CTNNA3: variants seen among roughly 807,000 people sequenced by gnomAD.
CTNNA3 encodes the protein catenin alpha-3.
In CTNNA3, 76 loss-of-function variants were observed where a neutral mutation model predicts 95.7. The observed-to-expected ratio is 0.79, with a 90% CI of 0.66 to 0.96. The LOEUF is 0.96. Ranked by LOEUF, CTNNA3 falls within the 40% of genes least tolerant of loss-of-function variation. CTNNA3 has a pLI of 0.00. For missense variants in CTNNA3, 1,191 were observed against 1,089.8 expected (o/e 1.09, Z -1.31); for synonymous variants, 431 against 374.4 (o/e 1.15, Z -1.74).
chr10:66,886,789 G>A (rs775360306), intron 7 of CTNNA3, among the ~76,000 whole-genome samples: 14 of 152,042 alleles, frequency 9.2e-5, no homozygotes, highest in South Asian at 2.1e-4. Context: ...TTGTTATTAC[G>A]TCAGAACATG....
intron 13 of CTNNA3, among the ~76,000 whole-genome samples, chr10:66,114,903 T>A (rs964995445): frequency 5.3e-5 from 8 of 151,628 alleles, no homozygotes; most frequent in East Asian, 1.9e-4. Context: ...AAAGAAAAAG[T>A]AAAAGAAAAT....
At chr10:67,517,372 A>G (rs1449397217) in intron 5 of CTNNA3, among the ~76,000 whole-genome samples, 1 of 152,158 alleles carries the variant, frequency 6.6e-6, no homozygotes, top group Admixed American at 6.6e-5. Context: ...ATTTTTATCA[A>G]ATAAATTTTA....
chr10:67,297,636 C>T (rs1840100983), intron 5 of CTNNA3, among the ~76,000 whole-genome samples: 1 of 152,202 alleles, frequency 6.6e-6, no homozygotes, highest in Non-Finnish European at 1.5e-5. Context: ...ATAGTAGAAT[C>T]AAGTACCATG....
rs1866354454 is a variant in CTNNA3 at position 67,256,456 on chromosome 10, G to T, written c.580-36586C>A. Among the ~76,000 whole-genome samples the T allele has an allele frequency of 2.6e-5, 4 of 152,192 alleles. No individual in the cohort carries two copies. The South Asian group carries it at 8.3e-4, about 32-fold the overall frequency. On this transcript the variant is annotated intron_variant, in intron 5 of 17. Transcript: ENST00000433211. ...TTTTCATTATTAAAAGAACAATATA[G>T]ACTATAAAAACCACATCGCTTCAGC...
chr10:66,375,796 C>G (rs986739798), intron 12 of CTNNA3, among the ~76,000 whole-genome samples: 2 of 152,044 alleles, frequency 1.3e-5, no homozygotes, highest in Non-Finnish European at 2.9e-5. Context: ...AATTTATTGG[C>G]TCAAAATTTC....
chr10:66,090,565 CAGTT>C (rs1467211808), intron 14 of CTNNA3, among the ~76,000 whole-genome samples: 2 of 151,936 alleles, frequency 1.3e-5, no homozygotes, highest in East Asian at 3.9e-4. Flanking sequence ...TCAATGACAG[CAGTT>C]AGTAAGTGGC....
intron 5 of CTNNA3, among the ~76,000 whole-genome samples, chr10:67,235,528 G>T (rs1352742946): frequency 6.7e-6 from 1 of 149,798 alleles, no homozygotes; most frequent in Non-Finnish European, 1.5e-5. Context: ...ATGGATTAAA[G>T]ACTTAAACGT....
intron 1 of CTNNA3, among the ~76,000 whole-genome samples, chr10:67,735,751 T>C (rs1841299338): frequency 2.0e-5 from 3 of 152,216 alleles, no homozygotes; most frequent in African/African-American, 7.2e-5. Flanking sequence ...AGTTTGGTAG[T>C]TCCTCAAAAA....
intron 10 of CTNNA3, among the ~76,000 whole-genome samples, chr10:66,556,977 C>A (rs1008035979): frequency 6.6e-6 from 1 of 151,854 alleles, no homozygotes; most frequent in Non-Finnish European, 1.5e-5. Flanking sequence ...TGCTGTACAC[C>A]TTAAATATAT....
chr10:67,521,911 G>A lies in CTNNA3; in HGVS notation c.510C>T (p.Leu170=). ...TCCCAAGCTTCTGGTAGGTTTTCTG[G>A]AGGTCAGATTTGTTGGCAACATTTT... The part of the protein sequence containing the change: ...SLKNVANKSD[L]QKTYQKLGKE... Residue 170 remains leucine (L), a synonymous_variant, in exon 5 of 18, where the codon CTC becomes CTT. Transcript: ENST00000433211. The A allele has an allele frequency of 1.9e-6, 3 of 1,612,694 alleles. No homozygotes were observed. Among genetic ancestry groups the A allele is most frequent in the South Asian group, 1.1e-5 (1 of 90,884 alleles).
chr10:66,682,091 T>C (rs1847085980), intron 9 of CTNNA3, among the ~76,000 whole-genome samples: 1 of 152,216 alleles, frequency 6.6e-6, no homozygotes, highest in African/African-American at 2.4e-5. Flanking sequence ...GAAGGAGGTT[T>C]GATCCTATTA....
At chr10:66,569,958 A>C (rs1370339834) in intron 10 of CTNNA3, among the ~76,000 whole-genome samples, 2 of 152,182 alleles carry the variant, frequency 1.3e-5, no homozygotes, top group African/African-American at 4.8e-5. Flanking sequence ...AATACTATGA[A>C]AGGAGAGTGA....
intron 10 of CTNNA3, among the ~76,000 whole-genome samples, chr10:66,597,575 TAAC>T (rs1273389222): frequency 7.8e-6 from 1 of 128,800 alleles, no homozygotes; most frequent in Non-Finnish European, 1.7e-5. Context: ...ATTTTAAAAA[TAAC>T]AAATAAATAA....
chr10:67,488,518 TGCCACCAA>T (rs1848531573), intron 5 of CTNNA3, among the ~76,000 whole-genome samples: 1 of 151,982 alleles, frequency 6.6e-6, no homozygotes, highest in Admixed American at 6.6e-5. Flanking sequence ...TACAGGCACA[TGCCACCAA>T]GCTCAGCTAA....
At chr10:66,918,985 A>G (rs1032095443) in intron 7 of CTNNA3, among the ~76,000 whole-genome samples, 8 of 151,928 alleles carry the variant, frequency 5.3e-5, no homozygotes, top group African/African-American at 9.7e-5. Flanking sequence ...AATACAAAAA[A>G]TTAGCCGGGC....
At chr10:67,726,503 T>TATTATATATTATATCATATACAATATATA (rs1395098870) in intron 1 of CTNNA3, among the ~76,000 whole-genome samples, 67 of 64,938 alleles carry the variant, frequency 1.0e-3, no homozygotes, top group African/African-American at 4.4e-3. Context: ...CAATATATAA[T>TATTATATATTATATCATATACAATATATA]ATATTATATA....
At chr10:67,384,101 T>C (rs1291924078) in intron 5 of CTNNA3, among the ~76,000 whole-genome samples, 1 of 152,174 alleles carries the variant, frequency 6.6e-6, no homozygotes, top group Non-Finnish European at 1.5e-5. Flanking sequence ...TATATGTATA[T>C]ATCACCTTGT....
intron 7 of CTNNA3, among the ~76,000 whole-genome samples, chr10:67,062,436 G>C (rs895829957): frequency 1.3e-5 from 2 of 152,102 alleles, no homozygotes; most frequent in East Asian, 3.9e-4. Context: ...TATCTCTTAA[G>C]TATGCAGGTG....
At chr10:66,219,705 C>T (rs772437448) in intron 13 of CTNNA3, among the ~76,000 whole-genome samples, 8 of 152,020 alleles carry the variant, frequency 5.3e-5, no homozygotes, top group Non-Finnish European at 1.0e-4. Flanking sequence ...AATCATTCAG[C>T]TAAGCCACTC....
Sources: allele counts gnomAD v4.1 joint callset (sites outside exome capture counted in the v4.1 genomes callset), GRCh38; gene constraint gnomAD v4.1.1; transcripts MANE v1.5; gene names NCBI Gene and HGNC (gene_info 2026-07-23, HGNC 2026-07-21).